Variants in PILRA observed in about 807,000 individuals in gnomAD.
The protein encoded by PILRA is paired immunoglobulin-like type 2 receptor alpha.
A neutral mutation model predicts 33.1 loss-of-function variants in PILRA; 37 were observed. The observed-to-expected ratio is 1.12, with a 90% confidence interval of 0.86 to 1.47. The LOEUF is 1.47. PILRA is among the 40% of genes most tolerant of loss of function. The probability of loss-of-function intolerance (pLI) is 0.00; values close to 1 mark genes in which losing one functional copy is unlikely to be tolerated. For missense variants in PILRA, 312 were observed against 376.2 expected, an observed-to-expected ratio of 0.83 and a Z score of 1.41; for synonymous variants, 146 against 149.9, an observed-to-expected ratio of 0.97 and a Z score of 0.19.
intron 2 of PILRA, among the ~76,000 whole-genome samples, chr7:100,383,273 G>C (rs949427886): frequency 1.3e-5 from 2 of 152,124 alleles, no homozygotes; most frequent in Non-Finnish European, 2.9e-5. Context: ...TGTGTAGAGA[G>C]GAACTGTGGC....
intron 6 of PILRA, 56 bp downstream of exon 6, chr7:100,399,668 G>T: frequency 1.2e-6 from 2 of 1,612,312 alleles, no homozygotes; most frequent in Non-Finnish European, 1.7e-6. Flanking sequence ...AGAAGGTGGG[G>T]TGGAAGGGAG....
At chr7:100,377,905 T>G (rs1276113346) in intron 2 of PILRA, among the ~76,000 whole-genome samples, 3 of 152,244 alleles carry the variant, frequency 2.0e-5, no homozygotes, top group Non-Finnish European at 4.4e-5. Context: ...TTAAAATTAT[T>G]TTTGTAGAAA....
intron 2 of PILRA, among the ~76,000 whole-genome samples, chr7:100,383,400 AG>A (rs1171764407): frequency 6.6e-6 from 1 of 152,158 alleles, no homozygotes; most frequent in East Asian, 1.9e-4. Context: ...GAGAAGCCCC[AG>A]GAAGATCCAA....
At chr7:100,377,231 CTTTTTTTTTTTT>C (rs761225046) in intron 2 of PILRA, among the ~76,000 whole-genome samples, 19,085 of 100,810 alleles carry the variant, frequency 0.19, 1,434 homozygotes, top group Middle Eastern at 0.22. Flanking sequence ...TTTTCTATTT[CTTTTTTTTTTTT>C]TTTTTTTTTT....
chr7:100,394,593 CAAA>C (rs60131231), intron 3 of PILRA, among the ~76,000 whole-genome samples: 293 of 47,292 alleles, frequency 6.2e-3, no homozygotes, highest in African/African-American at 0.021. Context: ...GATTCTATCT[CAAA>C]AAAAAAAAAA....
At chr7:100,383,479 G>A (rs1310936339) in intron 2 of PILRA, among the ~76,000 whole-genome samples, 2 of 152,222 alleles carry the variant, frequency 1.3e-5, no homozygotes, top group Admixed American at 6.5e-5. Flanking sequence ...CATGGGACAA[G>A]TGTGGCTGAA....
chr7:100,377,545 CTGTTT>C (rs1790983935), intron 2 of PILRA, among the ~76,000 whole-genome samples: 1 of 152,030 alleles, frequency 6.6e-6, no homozygotes, highest in Non-Finnish European at 1.5e-5. Flanking sequence ...CTGGCCTTTT[CTGTTT>C]TATTTCTAAG....
At chr7:100,373,942 C>A (rs145101042) in intron 1 of PILRA, 102 bp from the exon 2 acceptor site, 4 of 1,460,734 alleles carry the variant, frequency 2.7e-6, no homozygotes, top group Non-Finnish European at 3.7e-6. Context: ...ACCTGTCACA[C>A]GACTGCCTGT....
chr7:100,390,054 C>T lies in PILRA; in HGVS notation c.621C>T (p.Leu207=), dbSNP rs550510510. 22 of 1,614,046 alleles carry T rather than the reference C, an allele frequency of 1.4e-5. No individual in the cohort carries two copies. Among genetic ancestry groups the T allele is most frequent in the Admixed American group, 3.3e-5 (2 of 59,998 alleles). Residue 207 remains leucine (L), a synonymous_variant, in exon 3 of 7, where the codon CTC becomes CTT. Coordinates refer to ENST00000198536, the MANE Select transcript of PILRA (RefSeq NM_013439.3). ...AVGVAVAVTV[L]GIMILGLICL... ...GGGTGGCAGTGGCTGTCACTGTGCT[C>T]GGAATCATGATTTTGGGACTGATCT...
At chr7:100,371,489 G>A (rs1204285867), upstream of PILRA, among the ~76,000 whole-genome samples, 1 of 152,162 alleles carries the variant, frequency 6.6e-6, no homozygotes, top group Non-Finnish European at 1.5e-5. Flanking sequence ...GTGAGGGGCT[G>A]GGGGCAGGGA....
intron 2 of PILRA, among the ~76,000 whole-genome samples, chr7:100,389,185 T>G (rs1474480856): frequency 6.6e-6 from 1 of 152,214 alleles, no homozygotes. Context: ...TTTCAATTCA[T>G]CTGTGATTAA....
chr7:100,375,382 A>G (rs893287886), intron 2 of PILRA, among the ~76,000 whole-genome samples: 1 of 152,244 alleles, frequency 6.6e-6, no homozygotes, highest in African/African-American at 2.4e-5. Context: ...ATTGAGGCTA[A>G]CAGAGCCTAT....
intron 2 of PILRA, among the ~76,000 whole-genome samples, chr7:100,388,487 C>G (rs551326797): frequency 6.6e-6 from 1 of 152,026 alleles, no homozygotes; most frequent in Admixed American, 6.6e-5. Flanking sequence ...AATCCCAACA[C>G]TTTAGGAAGC....
At chr7:100,375,248 A>G (rs545077459) in intron 2 of PILRA, among the ~76,000 whole-genome samples, 1 of 152,246 alleles carries the variant, frequency 6.6e-6, no homozygotes, top group Admixed American at 6.5e-5. Context: ...AGCAGCCCCC[A>G]TTCATTGAGG....
intron 2 of PILRA, chr7:100,376,485 T>C (rs1174940480): frequency 6.8e-6 from 1 of 146,354 alleles, no homozygotes; most frequent in South Asian, 2.1e-4. Context: ...AAAAAGTGTT[T>C]TTTTTTTTTT....
intron 3 of PILRA, 115 bp from the exon 4 acceptor site, chr7:100,397,764 C>T (rs1791529913): frequency 2.7e-6 from 3 of 1,097,608 alleles, no homozygotes; most frequent in Non-Finnish European, 4.1e-6. Context: ...GGTGGAGCAG[C>T]TCTGCTGCTC....
intron 2 of PILRA, chr7:100,375,979 C>G (rs1434192583): frequency 6.6e-6 from 1 of 152,178 alleles, no homozygotes; most frequent in Non-Finnish European, 1.5e-5. Flanking sequence ...GGGAGTTTCT[C>G]CCAGGCCCAG....
chr7:100,373,714 CA>C lies in PILRA; in HGVS notation c.59del (p.Gln20ArgfsTer42). The C allele has an allele frequency of 1.2e-6, 2 of 1,613,224 alleles. No homozygotes were observed. Among genetic ancestry groups the C allele is most frequent in the Non-Finnish European group, 8.5e-7 (1 of 1,179,952 alleles). The stretch of plus-strand genomic sequence containing the variant: ...CTTGCTGCTGCCGCCAGCATTTCTG[CA>C]GCCTAGTGAGTACCCAGGACCACCC... The part of the protein sequence containing the change: ...LPLLLPPAFL[Q>X]PSGSTGSGPS... On this transcript the variant is annotated frameshift_variant, in exon 1 of 7. Coordinates refer to ENST00000198536, the MANE Select transcript of PILRA (RefSeq NM_013439.3). LOFTEE classifies it high-confidence loss of function.
chr7:100,374,051 C>T lies in PILRA; in HGVS notation c.72C>T (p.Ser24=). ...LPPAFLQPSG[S]TGSGPSYLYG... is the part of the protein sequence containing the mutation. ...ACTCCCTCCCTCCTCTAGGTGGCTCCACAGGATCTGGTCCAAGCTACCTTT... is the reference window on the plus strand; with the variant it reads ...ACTCCCTCCCTCCTCTAGGTGGCTCTACAGGATCTGGTCCAAGCTACCTTT... Residue 24 remains serine, a synonymous_variant, in exon 2 of 7, where the codon TCC becomes TCT. Coordinates refer to ENST00000198536, the MANE Select transcript of PILRA (RefSeq NM_013439.3). 1.2e-6 allele frequency: 2 copies of T among 1,613,644 alleles called. No individual in the cohort carries two copies. The highest frequency in any genetic ancestry group is 1.7e-6 in the Non-Finnish European group (2 of 1,179,664).
Sources: gnomAD v4.1 joint callset for allele counts (sites outside exome capture counted in the v4.1 genomes callset) on GRCh38, gnomAD v4.1.1 for gene constraint, MANE v1.5 for transcripts, NCBI Gene and HGNC (gene_info 2026-07-23, HGNC 2026-07-21) for gene names.